The following TRPM3 variants were observed in gnomAD, a reference collection of about 807,000 sequenced individuals.
TRPM3 encodes transient receptor potential cation channel subfamily M member 3, also known as long transient receptor potential channel 3.
TRPM3 carries 77 observed loss-of-function variants against 181.2 expected under a neutral mutation model. The observed-to-expected ratio is 0.42, with a 90% CI of 0.35 to 0.51. The LOEUF is 0.51. Ranked by LOEUF, TRPM3 falls within the 20% of genes least tolerant of loss-of-function variation. The pLI is 0.01. For missense variants in TRPM3, 1,759 were observed against 2,196.7 expected, an observed-to-expected ratio of 0.80 and a Z score of 3.98; for synonymous variants, 745 against 796.4, an observed-to-expected ratio of 0.94 and a Z score of 1.09.
chr9:71,154,128 T>A (rs1385588580), intron 1 of TRPM3, among the ~76,000 whole-genome samples: 1 of 152,146 alleles, frequency 6.6e-6, no homozygotes. Context: ...AAAAATAATT[T>A]TATTTTAGCT....
chr9:70,602,123 T>TTTTTTTG (rs2060136650), intron 20 of TRPM3, among the ~76,000 whole-genome samples: 2 of 151,212 alleles, frequency 1.3e-5, no homozygotes, highest in Admixed American at 6.6e-5. Context: ...TTTTTTTTTT[T>TTTTTTTG]TAAATCCAGG....
At chr9:71,266,922 A>C (rs1439810559) in intron 1 of TRPM3, among the ~76,000 whole-genome samples, 1 of 151,690 alleles carries the variant, frequency 6.6e-6, no homozygotes, top group Non-Finnish European at 1.5e-5. Context: ...ATTAATTATG[A>C]CAATTTTAAT....
intron 22 of TRPM3, among the ~76,000 whole-genome samples, chr9:70,576,049 G>T (rs2132256378): frequency 6.6e-6 from 1 of 152,266 alleles, no homozygotes; most frequent in Non-Finnish European, 1.5e-5. Context: ...TGTCTCATTT[G>T]TATTACCAGG....
intron 1 of TRPM3, among the ~76,000 whole-genome samples, chr9:71,171,828 T>C (rs528278551): frequency 9.9e-5 from 15 of 152,244 alleles, no homozygotes; most frequent in African/African-American, 3.6e-4. Context: ...GCTTCACACA[T>C]CTAAGACCAG....
intron 1 of TRPM3, among the ~76,000 whole-genome samples, chr9:71,149,561 C>T (rs536633926): frequency 6.6e-6 from 1 of 152,208 alleles, no homozygotes; most frequent in South Asian, 2.1e-4. Context: ...CCAAACTATG[C>T]ACAGGTACAT....
chr9:71,387,763 T>G (rs1171198947), intron 1 of TRPM3, among the ~76,000 whole-genome samples: 1 of 152,136 alleles, frequency 6.6e-6, no homozygotes, highest in Non-Finnish European at 1.5e-5. Context: ...TTAATTTTAC[T>G]GCAATTTTAT....
intron 1 of TRPM3, among the ~76,000 whole-genome samples, chr9:71,306,138 G>C (rs1159842546): frequency 6.6e-6 from 1 of 151,992 alleles, no homozygotes; most frequent in African/African-American, 2.4e-5. Flanking sequence ...AGAGCACACG[G>C]CCTTGCTTTG....
At chr9:70,979,290 ATATT>A (rs1459853111) in intron 1 of TRPM3, among the ~76,000 whole-genome samples, 4 of 152,096 alleles carry the variant, frequency 2.6e-5, no homozygotes, top group African/African-American at 9.7e-5. Context: ...CATTTATCAG[ATATT>A]TATTGTTTGC....
intron 1 of TRPM3, among the ~76,000 whole-genome samples, chr9:71,039,916 A>G (rs1166726477): frequency 2.6e-5 from 4 of 152,206 alleles, no homozygotes; most frequent in Non-Finnish European, 5.9e-5. Flanking sequence ...TGATGGTCAC[A>G]TTTTATAATA....
intron 1 of TRPM3, among the ~76,000 whole-genome samples, chr9:70,909,549 G>A (rs1315832382): frequency 6.6e-6 from 1 of 152,012 alleles, no homozygotes; most frequent in Non-Finnish European, 1.5e-5. Context: ...GGAAGGTTGG[G>A]CTGTCCATTG....
In TRPM3 at chr9:71,233,016, T is replaced by C. The variant is rs180728544; in HGVS notation, c.183+213637A>G. On this transcript the variant is annotated intron_variant, in intron 1 of 24. Coordinates refer to the TRPM3 transcript ENST00000357533. ...CATCAGCCTTCATCCAGGAGAGACC[T>C]GCTTCAAGCCCCCGACTTCTGCTAG... Among the ~76,000 whole-genome samples, 12 of 152,270 alleles carry C rather than the reference T, an allele frequency of 7.9e-5. 1 individual carries two copies. The East Asian group carries it at 2.3e-3, about 29-fold the overall frequency.
chr9:71,067,969 G>A (rs1042014734), intron 1 of TRPM3, among the ~76,000 whole-genome samples: 3 of 152,124 alleles, frequency 2.0e-5, no homozygotes, highest in Non-Finnish European at 4.4e-5. Flanking sequence ...AAACTCTCTT[G>A]ATGCAACACT....
At position 70,536,318 on chromosome 9, in the gene TRPM3, C is replaced by T. The variant is rs1266193737; in HGVS notation, c.4795G>A (p.Glu1599Lys). ...GAGCTGGGGTGACTCAGTTCTGCTT[C>T]TCGCTCTGGATGGCAGCAAGTTAAG... The part of the protein sequence containing the change: ...EDLTCCHPER[E>K]AELSHPSSDS... The change falls in exon 26 of 26, where the codon GAA becomes AAA. Residue 1599 changes from glutamate (E) to lysine (K), a missense_variant. Glu to Lys is a moderately conservative substitution (Grantham distance 56, BLOSUM62 1). Coordinates refer to ENST00000677713, the MANE Select transcript of TRPM3 (RefSeq NM_001366145.2). 2 of 1,614,048 alleles carry T rather than the reference C, an allele frequency of 1.2e-6. No individual in the cohort carries two copies. Among genetic ancestry groups the T allele is most frequent in the Admixed American group, 1.7e-5 (1 of 60,006 alleles).
intron 1 of TRPM3, among the ~76,000 whole-genome samples, chr9:70,911,483 A>G (rs1016183991): frequency 3.3e-5 from 5 of 152,166 alleles, no homozygotes; most frequent in Non-Finnish European, 7.4e-5. Context: ...CAAATTTTCT[A>G]TTTCTATATT....
chr9:71,207,486 G>A (rs1023858207), intron 1 of TRPM3, among the ~76,000 whole-genome samples: 2 of 152,096 alleles, frequency 1.3e-5, no homozygotes, highest in Non-Finnish European at 2.9e-5. Context: ...TGAGATCTTT[G>A]ATAGTGTGTC....
intron 1 of TRPM3, among the ~76,000 whole-genome samples, chr9:71,029,512 T>G (rs1391974802): frequency 6.6e-6 from 1 of 152,148 alleles, no homozygotes; most frequent in Non-Finnish European, 1.5e-5. Flanking sequence ...AATATTTTTC[T>G]CAATAAGAAG....
intron 1 of TRPM3, among the ~76,000 whole-genome samples, chr9:71,020,895 G>T (rs1170832903): frequency 6.6e-6 from 1 of 152,120 alleles, no homozygotes; most frequent in Non-Finnish European, 1.5e-5. Context: ...CCAATGGGAA[G>T]TTTATATCTA....
intron 1 of TRPM3, among the ~76,000 whole-genome samples, chr9:71,019,075 A>G (rs916083163): frequency 6.6e-6 from 1 of 152,008 alleles, no homozygotes; most frequent in African/African-American, 2.4e-5. Flanking sequence ...CATATAAACA[A>G]CTAAGAATAA....
chr9:70,858,477 C>A (rs942180151), intron 3 of TRPM3, among the ~76,000 whole-genome samples: 1 of 152,076 alleles, frequency 6.6e-6, no homozygotes. Context: ...CAGCTCCACC[C>A]CTTTGCCCAG....
Sources: gnomAD v4.1 joint callset for allele counts (sites outside exome capture counted in the v4.1 genomes callset) on GRCh38, gnomAD v4.1.1 for gene constraint, MANE v1.5 for transcripts, NCBI Gene and HGNC (gene_info 2026-07-23, HGNC 2026-07-21) for gene names.